CAST: variants seen among roughly 807,000 people sequenced by gnomAD.
CAST encodes the protein calpastatin.
A neutral mutation model predicts 119.6 loss-of-function variants in CAST; 76 were observed. The observed-to-expected ratio is 0.64, with a 90% CI of 0.53 to 0.77. The LOEUF (loss-of-function observed/expected upper bound fraction) is 0.77. Among genes scored for constraint, CAST ranks in the 30% least tolerant of loss-of-function variants. The pLI is 0.00. For synonymous variants in CAST, 319 were observed against 331.6 expected (o/e 0.96, Z 0.41); for missense variants, 953 against 946.5 (o/e 1.01, Z -0.09).
intron 1 of CAST, among the ~76,000 whole-genome samples, chr5:96,568,797 C>T (rs1374064493): frequency 6.6e-6 from 1 of 151,916 alleles, no homozygotes; most frequent in Non-Finnish European, 1.5e-5. Context: ...AGGACCAGCT[C>T]TCCACCAATA....
At chr5:96,627,041 CAA>C (rs1335982950) in intron 1 of CAST, among the ~76,000 whole-genome samples, 1 of 152,078 alleles carries the variant, frequency 6.6e-6, no homozygotes, top group Non-Finnish European at 1.5e-5. Context: ...CACAGGGAAA[CAA>C]AGAATATGTG....
Position 96,642,543 on chromosome 5 carries a change from C to CTT in CAST, c.61-32982_61-32981dup, listed in dbSNP as rs35326344. Among the ~76,000 whole-genome samples the CTT allele has an allele frequency of 1.1e-3, 150 of 140,480 alleles. 1 individual carries two copies. Among genetic ancestry groups the CTT allele is most frequent in the African/African-American group, 2.5e-3 (94 of 38,032 alleles). 92.2% of individuals were successfully genotyped at this position (140,480 alleles called of 152,430 possible). A position where few individuals can be genotyped will look rare whatever the true frequency, so the allele number is the denominator to read the frequency against. On this transcript the variant is annotated intron_variant, in intron 1 of 11. Transcript: ENST00000505143. ...ATAGTAAATAAAGCACATATAGTTC[C>CTT]TTTTTTTTTTTTTTTGAGACAAGAT...
chr5:96,528,973 A>G (rs1352850897), upstream of CAST, among the ~76,000 whole-genome samples: 1 of 152,252 alleles, frequency 6.6e-6, no homozygotes, highest in East Asian at 1.9e-4. Flanking sequence ...GACAATTGAC[A>G]TAAACCTGGT....
At chr5:96,539,942 A>C (rs1745882230) in intron 1 of CAST, among the ~76,000 whole-genome samples, 1 of 152,100 alleles carries the variant, frequency 6.6e-6, no homozygotes, top group African/African-American at 2.4e-5. Context: ...TTAATTATTT[A>C]CATGATTTTA....
At chr5:96,069,682 T>G in the CAST span, among the ~76,000 whole-genome samples, 1 of 118,808 alleles carries the variant, frequency 8.4e-6, no homozygotes, top group Non-Finnish European at 1.9e-5. Context: ...TTTTTTTTTG[T>G]AGAGAGGGAG....
In CAST at chr5:96,538,082, C is replaced by A. The variant is rs538379391; in HGVS notation, c.60+8202C>A. 1.7e-3 allele frequency among the ~76,000 whole-genome samples: 252 copies of A among 152,264 alleles called. 1 individual carries two copies. The highest frequency in any genetic ancestry group is 5.9e-3 in the African/African-American group (243 of 41,532). ...AACCCCAGTCAGAGCATGCAATCTACACACAAGGCAAAGACTGGTTAAACA... is the reference window on the plus strand; with the variant it reads ...AACCCCAGTCAGAGCATGCAATCTAAACACAAGGCAAAGACTGGTTAAACA... On this transcript the variant is annotated intron_variant, in intron 1 of 11. Transcript: ENST00000505143.
At chr5:96,167,667 G>T in the CAST span, among the ~76,000 whole-genome samples, 1 of 152,300 alleles carries the variant, frequency 6.6e-6, no homozygotes, top group South Asian at 2.1e-4. Flanking sequence ...TTATCAGACT[G>T]TATAGAGGTG....
At chr5:96,529,151 T>C (rs942220801), upstream of CAST, among the ~76,000 whole-genome samples, 1 of 152,240 alleles carries the variant, frequency 6.6e-6, no homozygotes, top group African/African-American at 2.4e-5. Context: ...TGATTCATAA[T>C]TCATTTTAAG....
At chr5:96,243,690 C>T in the CAST span, among the ~76,000 whole-genome samples, 1 of 152,128 alleles carries the variant, frequency 6.6e-6, no homozygotes, top group Non-Finnish European at 1.5e-5. Context: ...GATATGCATC[C>T]CTCAGAGTCA....
the CAST span, among the ~76,000 whole-genome samples, chr5:96,448,309 T>C: frequency 1.3e-5 from 2 of 152,250 alleles, no homozygotes; most frequent in Non-Finnish European, 2.9e-5. Context: ...GTGTTTGTGA[T>C]GCTAGATTTA....
chr5:95,966,641 A>G, the CAST span, among the ~76,000 whole-genome samples: 2 of 151,936 alleles, frequency 1.3e-5, no homozygotes, highest in Admixed American at 6.6e-5. Context: ...GCCCTTCTTC[A>G]CTCTTAATGG....
At chr5:96,723,206 C>A (rs1758629232) in intron 4 of CAST, among the ~76,000 whole-genome samples, 2 of 152,256 alleles carry the variant, frequency 1.3e-5, no homozygotes, top group East Asian at 1.9e-4. Flanking sequence ...CCGAAGCAGT[C>A]CTTCCACCTG....
At chr5:96,564,048 G>C (rs1746428673) in intron 1 of CAST, among the ~76,000 whole-genome samples, 1 of 152,204 alleles carries the variant, frequency 6.6e-6, no homozygotes, top group Non-Finnish European at 1.5e-5. Context: ...TTGGCTGCAT[G>C]ATGAGGTCCT....
the CAST span, among the ~76,000 whole-genome samples, chr5:96,278,147 C>G: frequency 6.6e-6 from 1 of 151,680 alleles, no homozygotes; most frequent in South Asian, 2.1e-4. Flanking sequence ...CAGAAAAAGT[C>G]AGTAAGGTTA....
chr5:96,426,115 CT>C, the CAST span, among the ~76,000 whole-genome samples: 1 of 152,136 alleles, frequency 6.6e-6, no homozygotes, highest in Non-Finnish European at 1.5e-5. Flanking sequence ...TGAATATTTC[CT>C]CTATTACAGT....
the CAST span, among the ~76,000 whole-genome samples, chr5:96,008,294 A>G: frequency 6.6e-6 from 1 of 152,214 alleles, no homozygotes; most frequent in Non-Finnish European, 1.5e-5. Context: ...CTTTATATCT[A>G]TCACCTGTTC....
intron 3 of CAST, among the ~76,000 whole-genome samples, chr5:96,709,905 A>G (rs1046677563): frequency 6.6e-6 from 1 of 152,254 alleles, no homozygotes; most frequent in Non-Finnish European, 1.5e-5. Context: ...GTTCCAGAAT[A>G]TCTACCTATA....
chr5:96,326,695 A>ATTTTTTTTTTTTTTTTT, the CAST span, among the ~76,000 whole-genome samples: 9 of 95,736 alleles, frequency 9.4e-5, no homozygotes, highest in African/African-American at 8.1e-5. Context: ...ATGGCTTTTC[A>ATTTTTTTTTTTTTTTTT]TTTTTTTTTT....
the CAST span, among the ~76,000 whole-genome samples, chr5:96,472,473 A>G: frequency 6.6e-6 from 1 of 152,172 alleles, no homozygotes. Flanking sequence ...ATCACATTGT[A>G]GGCACTCAAT....
Sources: gnomAD v4.1 joint callset for allele counts (sites outside exome capture counted in the v4.1 genomes callset) on GRCh38, gnomAD v4.1.1 for gene constraint, MANE v1.5 for transcripts, NCBI Gene and HGNC (gene_info 2026-07-23, HGNC 2026-07-21) for gene names.